The following PHKB variants were observed in gnomAD, a reference collection of about 807,000 sequenced individuals.
PHKB encodes the protein phosphorylase kinase regulatory subunit beta, also known as phosphorylase b kinase regulatory subunit beta.
A neutral mutation model predicts 152.1 loss-of-function variants in PHKB; 122 were observed. The observed-to-expected ratio is 0.80, with a 90% CI of 0.69 to 0.93. The LOEUF (loss-of-function observed/expected upper bound fraction) is 0.93, where lower values mean the gene tolerates loss of function less well. PHKB is among the 40% of genes least tolerant of loss of function. The pLI, the probability that PHKB is intolerant of heterozygous loss-of-function variation, is 0.00. For missense variants in PHKB, 1,304 were observed against 1,328.4 expected (o/e 0.98, Z 0.29); for synonymous variants, 436 against 464.9 (o/e 0.94, Z 0.80).
intron 26 of PHKB, among the ~76,000 whole-genome samples, chr16:47,685,960 C>T (rs1027902979): frequency 7.2e-5 from 11 of 152,242 alleles, no homozygotes; most frequent in South Asian, 2.1e-4. Flanking sequence ...CCAGGATGGT[C>T]TCAATCTCCT....
At chr16:47,619,133 G>A (rs1208833830) in intron 14 of PHKB, 2 of 152,164 alleles carry the variant, frequency 1.3e-5, no homozygotes, top group Non-Finnish European at 2.9e-5. Flanking sequence ...TTTACAGGTA[G>A]ACAACGTGAG....
chr16:47,618,423 T>A (rs1056135553), intron 14 of PHKB, among the ~76,000 whole-genome samples: 14 of 152,174 alleles, frequency 9.2e-5, no homozygotes, highest in African/African-American at 3.4e-4. Flanking sequence ...TCTTTCCTCG[T>A]TATTTCTGTT....
At chr16:47,473,038 C>A (rs1434858500) in intron 1 of PHKB, among the ~76,000 whole-genome samples, 1 of 150,522 alleles carries the variant, frequency 6.6e-6, no homozygotes, top group African/African-American at 2.4e-5. Context: ...CTTCTAGGAT[C>A]TGTGTTTTTT....
chr16:47,678,475 G>T (rs956464351), intron 26 of PHKB, among the ~76,000 whole-genome samples: 1 of 152,116 alleles, frequency 6.6e-6, no homozygotes, highest in Non-Finnish European at 1.5e-5. Context: ...ACTGGTGTGA[G>T]ATGGTATCTC....
intron 1 of PHKB, among the ~76,000 whole-genome samples, chr16:47,475,336 GCTTTTTCTTT>G (rs530055511): frequency 6.6e-6 from 1 of 152,118 alleles, no homozygotes; most frequent in Admixed American, 6.5e-5. Context: ...GTTCTAGCAT[GCTTTTTCTTT>G]CTTTTTCTAT....
chr16:47,615,647 T>A (rs1972501813), intron 14 of PHKB, among the ~76,000 whole-genome samples: 1 of 152,132 alleles, frequency 6.6e-6, no homozygotes. Context: ...CTCACTGCAT[T>A]GCCATTCTTC....
At chr16:47,668,377 C>T (rs1347990552) in intron 25 of PHKB, among the ~76,000 whole-genome samples, 1 of 152,240 alleles carries the variant, frequency 6.6e-6, no homozygotes, top group East Asian at 1.9e-4. Context: ...GTTCTGCTCT[C>T]TCCCCTCATC....
chr16:47,549,122 A>G (rs1597076464), intron 7 of PHKB, among the ~76,000 whole-genome samples: 2 of 152,344 alleles, frequency 1.3e-5, no homozygotes, highest in Admixed American at 1.3e-4. Flanking sequence ...GGTAAAGCTC[A>G]TTTCAGACAT....
intron 1 of PHKB, among the ~76,000 whole-genome samples, chr16:47,492,191 C>T (rs937351852): frequency 6.6e-6 from 1 of 152,154 alleles, no homozygotes; most frequent in East Asian, 1.9e-4. Context: ...TGGTTGCAGG[C>T]CTTGCTCCCA....
At chr16:47,648,670 G>T in intron 17 of PHKB, 54 bp downstream of exon 17, 2 of 1,106,550 alleles carry the variant, frequency 1.8e-6, no homozygotes, top group South Asian at 2.5e-5. Flanking sequence ...ACCGCATACT[G>T]AAATGGTGCT....
chr16:47,630,823 A>G (rs995539543), intron 14 of PHKB, among the ~76,000 whole-genome samples: 1 of 152,170 alleles, frequency 6.6e-6, no homozygotes, highest in Non-Finnish European at 1.5e-5. Flanking sequence ...TAAAAGTCTG[A>G]AAAGAACAAG....
intron 6 of PHKB, among the ~76,000 whole-genome samples, chr16:47,520,541 A>G (rs1196301870): frequency 6.6e-6 from 1 of 152,066 alleles, no homozygotes; most frequent in African/African-American, 2.4e-5. Context: ...ATCTCTGTTT[A>G]ACCTGTACAG....
chr16:47,577,648 G>C (rs998460253), intron 7 of PHKB, among the ~76,000 whole-genome samples: 12 of 152,004 alleles, frequency 7.9e-5, no homozygotes, highest in Admixed American at 4.6e-4. Flanking sequence ...TGAGTGGGTA[G>C]TTTTTTTCTT....
intron 13 of PHKB, chr16:47,598,033 T>A (rs962511595): frequency 2.6e-5 from 4 of 152,072 alleles, no homozygotes; most frequent in African/African-American, 7.2e-5. Flanking sequence ...ATTAAAACTA[T>A]CAGAAAACAG....
intron 27 of PHKB, among the ~76,000 whole-genome samples, chr16:47,691,390 C>G (rs1477012046): frequency 6.6e-6 from 1 of 152,098 alleles, no homozygotes; most frequent in Non-Finnish European, 1.5e-5. Flanking sequence ...TGGTTTTATA[C>G]TATAGTTATG....
At chr16:47,629,011 C>T (rs1353414712) in intron 14 of PHKB, among the ~76,000 whole-genome samples, 1 of 152,106 alleles carries the variant, frequency 6.6e-6, no homozygotes, top group African/African-American at 2.4e-5. Flanking sequence ...ACACCTTATA[C>T]AAAAATCAAT....
chr16:47,510,260 C>T (rs1291908943), intron 4 of PHKB, among the ~76,000 whole-genome samples: 2 of 152,124 alleles, frequency 1.3e-5, no homozygotes, highest in Non-Finnish European at 2.9e-5. Flanking sequence ...AAATCACTGG[C>T]TATTGGTGAT....
chr16:47,660,966 G>T, intron 22 of PHKB, 147 bp downstream of exon 22: 1 of 799,776 alleles, frequency 1.3e-6, no homozygotes, highest in Non-Finnish European at 2.2e-6. Context: ...GGGCAATCAT[G>T]AGAAGTTGTT....
At chr16:47,688,489 T>G (rs1172408775) in intron 26 of PHKB, among the ~76,000 whole-genome samples, 1 of 152,220 alleles carries the variant, frequency 6.6e-6, no homozygotes, top group Non-Finnish European at 1.5e-5. Flanking sequence ...TATAACTAAG[T>G]TATAACTAAT....
Sources: gnomAD v4.1 joint callset for allele counts (sites outside exome capture counted in the v4.1 genomes callset) on GRCh38, gnomAD v4.1.1 for gene constraint, MANE v1.5 for transcripts, NCBI Gene and HGNC (gene_info 2026-07-23, HGNC 2026-07-21) for gene names.